Variants in RORA observed in about 807,000 individuals in gnomAD.
RORA encodes the protein nuclear receptor ROR-alpha.
RORA carries 7 observed loss-of-function variants against 69.5 expected under a neutral mutation model. That is an observed-to-expected ratio of 0.10 (90% CI 0.06 to 0.19). The LOEUF (loss-of-function observed/expected upper bound fraction) is 0.19. RORA is among the 10% of genes least tolerant of loss of function. The probability of loss-of-function intolerance (pLI) is 1.00; values close to 1 mark genes in which losing one functional copy is unlikely to be tolerated. For synonymous variants in RORA, 261 were observed against 240.8 expected (o/e 1.08, Z -0.78); for missense variants, 457 against 663.0 (o/e 0.69, Z 3.41).
At chr15:60,916,372 C>T (rs759499417) in intron 1 of RORA, among the ~76,000 whole-genome samples, 2 of 152,168 alleles carry the variant, frequency 1.3e-5, no homozygotes, top group South Asian at 2.1e-4. Flanking sequence ...CTATGACAAA[C>T]GTGCAGACAG....
intron 1 of RORA, among the ~76,000 whole-genome samples, chr15:61,091,882 G>A (rs1248322116): frequency 6.6e-6 from 1 of 152,204 alleles, no homozygotes; most frequent in Admixed American, 6.5e-5. Context: ...ATATGTTAAA[G>A]TGGTCTTTTA....
intron 1 of RORA, among the ~76,000 whole-genome samples, chr15:60,956,374 G>T (rs1427510044): frequency 6.6e-6 from 1 of 152,156 alleles, no homozygotes; most frequent in East Asian, 1.9e-4. Flanking sequence ...TTACAAATCA[G>T]GAAGCAGACG....
chr15:61,075,127 G>A (rs35144566), intron 1 of RORA, among the ~76,000 whole-genome samples: 29,308 of 151,284 alleles, frequency 0.19, 3,449 homozygotes, highest in East Asian at 0.29. Context: ...ACAGCGGCAC[G>A]TTCAGATTCA....
rs1475964877 is a variant in RORA at position 60,775,056 on chromosome 15, C to T, written c.167-96370G>A. 3.9e-5 allele frequency among the ~76,000 whole-genome samples: 6 copies of T among 152,318 alleles called. No homozygotes were observed. The East Asian group carries it at 1.2e-3, about 29-fold the overall frequency. ...GAGACACCCCACACGTCTAAGATTT[C>T]TTACCTATGATTCATGTGGCTGCCA... On this transcript the variant is annotated intron_variant, in intron 1 of 10. Transcript: ENST00000335670.
intron 2 of RORA, among the ~76,000 whole-genome samples, chr15:60,573,130 A>G (rs567337068): frequency 6.6e-6 from 1 of 152,358 alleles, no homozygotes; most frequent in Admixed American, 6.5e-5. Context: ...CTAGTATCAA[A>G]GACACAATCC....
chr15:60,821,044 G>T (rs555268628), intron 1 of RORA, among the ~76,000 whole-genome samples: 1 of 149,820 alleles, frequency 6.7e-6, no homozygotes, highest in Admixed American at 6.8e-5. Context: ...CCCACTGCCA[G>T]AGGATACCTC....
chr15:60,788,976 C>A (rs756260361), intron 1 of RORA, among the ~76,000 whole-genome samples: 1 of 152,180 alleles, frequency 6.6e-6, no homozygotes, highest in Non-Finnish European at 1.5e-5. Flanking sequence ...ACTGACAGAC[C>A]TACAAAGCGT....
At chr15:61,123,702 T>A (rs2097979384) in intron 1 of RORA, among the ~76,000 whole-genome samples, 1 of 152,136 alleles carries the variant, frequency 6.6e-6, no homozygotes, top group African/African-American at 2.4e-5. Flanking sequence ...CCCTTCCCCG[T>A]CTTCCAGGAG....
chr15:60,985,361 G>A (rs1403524266), intron 1 of RORA, among the ~76,000 whole-genome samples: 1 of 150,732 alleles, frequency 6.6e-6, no homozygotes, highest in Non-Finnish European at 1.5e-5. Flanking sequence ...TTTAAATTAG[G>A]TAGAAAAGCT....
At chr15:61,076,193 G>A (rs964000163) in intron 1 of RORA, among the ~76,000 whole-genome samples, 4 of 152,176 alleles carry the variant, frequency 2.6e-5, no homozygotes, top group African/African-American at 4.8e-5. Context: ...AGAGGTCGCA[G>A]GGCCTGACCC....
At chr15:60,747,163 G>A (rs1024035152) in intron 1 of RORA, among the ~76,000 whole-genome samples, 9 of 152,096 alleles carry the variant, frequency 5.9e-5, no homozygotes, top group African/African-American at 1.9e-4. Flanking sequence ...TTTGGTTAAG[G>A]TGAGAACAGC....
chr15:60,543,839 C>T (rs575235128), intron 2 of RORA, among the ~76,000 whole-genome samples: 1 of 152,250 alleles, frequency 6.6e-6, no homozygotes, highest in South Asian at 2.1e-4. Context: ...AAGGATAGGT[C>T]ACTGTATTCC....
chr15:60,887,383 C>T (rs1233849202), intron 1 of RORA, among the ~76,000 whole-genome samples: 4 of 152,008 alleles, frequency 2.6e-5, no homozygotes, highest in Non-Finnish European at 4.4e-5. Context: ...GGAAGCTAAA[C>T]GGGGTTTTTA....
At chr15:60,617,659 C>G (rs867351552) in intron 2 of RORA, among the ~76,000 whole-genome samples, 4 of 141,558 alleles carry the variant, frequency 2.8e-5, no homozygotes, top group Admixed American at 7.2e-5. Flanking sequence ...CACATACAGA[C>G]AGAGAGAGAG....
At chr15:61,040,709 G>A (rs779775088) in intron 1 of RORA, among the ~76,000 whole-genome samples, 27 of 151,942 alleles carry the variant, frequency 1.8e-4, no homozygotes, top group Non-Finnish European at 3.4e-4. Context: ...AATATTCATC[G>A]AATAAATAAA....
At chr15:61,098,986 T>C (rs1401137212) in intron 1 of RORA, among the ~76,000 whole-genome samples, 1 of 152,242 alleles carries the variant, frequency 6.6e-6, no homozygotes, top group African/African-American at 2.4e-5. Flanking sequence ...AGTGAAATTT[T>C]TCATTTGCAA....
chr15:60,681,853 A>C (rs2070646787), intron 1 of RORA: 1 of 152,232 alleles, frequency 6.6e-6, no homozygotes, highest in African/African-American at 2.4e-5. Flanking sequence ...AATCGTATGC[A>C]AACCTAGTGC....
intron 2 of RORA, among the ~76,000 whole-genome samples, chr15:60,580,230 C>G (rs535139068): frequency 6.6e-6 from 1 of 152,276 alleles, no homozygotes; most frequent in African/African-American, 2.4e-5. Context: ...AAGCATAGAT[C>G]TGGTGATTAA....
At chr15:60,777,591 T>C (rs1318142413) in intron 1 of RORA, among the ~76,000 whole-genome samples, 1 of 152,176 alleles carries the variant, frequency 6.6e-6, no homozygotes, top group Non-Finnish European at 1.5e-5. Context: ...GAAATTAAGA[T>C]TGCATGCCCA....
Sources: allele counts gnomAD v4.1 joint callset (sites outside exome capture counted in the v4.1 genomes callset), GRCh38; gene constraint gnomAD v4.1.1; transcripts MANE v1.5; gene names NCBI Gene and HGNC (gene_info 2026-07-23, HGNC 2026-07-21).